ABCG2: variants seen among roughly 807,000 people sequenced by gnomAD.
The protein encoded by ABCG2 is broad substrate specificity ATP-binding cassette transporter ABCG2.
A neutral mutation model predicts 73.5 loss-of-function variants in ABCG2; 80 were observed. The observed-to-expected ratio is 1.09, with a 90% confidence interval of 0.91 to 1.31. The LOEUF (loss-of-function observed/expected upper bound fraction) is 1.31, where lower values mean the gene tolerates loss of function less well. Ranked by LOEUF, ABCG2 falls within the 50% of genes most tolerant of loss-of-function variation. The pLI is 0.00. For synonymous variants in ABCG2, 269 were observed against 282.4 expected, an observed-to-expected ratio of 0.95 and a Z score of 0.48; for missense variants, 796 against 786.2, an observed-to-expected ratio of 1.01 and a Z score of -0.15.
chr4:88,107,560 G>T (rs1722846041), intron 9 of ABCG2, among the ~76,000 whole-genome samples: 1 of 152,120 alleles, frequency 6.6e-6, no homozygotes, highest in Non-Finnish European at 1.5e-5. Context: ...GTCAGTTCAG[G>T]GTCTGCTTCA....
chr4:88,221,663 G>A (rs997266886), intron 1 of ABCG2, among the ~76,000 whole-genome samples: 6 of 152,146 alleles, frequency 3.9e-5, no homozygotes, highest in Admixed American at 2.0e-4. Flanking sequence ...TGGAGTAAAG[G>A]TCACTCTTGC....
At chr4:88,210,229 A>G (rs1042727205) in intron 1 of ABCG2, among the ~76,000 whole-genome samples, 11 of 151,936 alleles carry the variant, frequency 7.2e-5, no homozygotes, top group Middle Eastern at 6.8e-3. Flanking sequence ...ACATATACAT[A>G]TATACGTTTA....
intron 1 of ABCG2, among the ~76,000 whole-genome samples, chr4:88,230,660 C>T (rs1416181259): frequency 1.3e-5 from 2 of 152,068 alleles, no homozygotes; most frequent in Non-Finnish European, 2.9e-5. Context: ...TTCTCAGGTG[C>T]TCAACATAAA....
At chr4:88,101,792 C>T (rs1026031123) in intron 10 of ABCG2, among the ~76,000 whole-genome samples, 2 of 152,206 alleles carry the variant, frequency 1.3e-5, no homozygotes, top group Non-Finnish European at 2.9e-5. Context: ...CACCAGAACC[C>T]AGCAATGCTG....
intron 1 of ABCG2, among the ~76,000 whole-genome samples, chr4:88,209,309 C>CAAAAAAAAAAAA (rs60027656): frequency 2.5e-5 from 2 of 81,458 alleles, no homozygotes; most frequent in Non-Finnish European, 4.9e-5. Context: ...GACTCCATCT[C>CAAAAAAAAAAAA]AAAAAAAAAA....
chr4:88,092,194 T>G lies in ABCG2; in HGVS notation c.*40A>C. The G allele has an allele frequency of 1.3e-6, 2 of 1,550,886 alleles. No individual in the cohort carries two copies. The highest frequency in any genetic ancestry group is 1.7e-6 in the Non-Finnish European group (2 of 1,144,816). On this transcript the variant is annotated 3_prime_UTR_variant, in exon 16 of 16. Transcript: ENST00000237612. The stretch of plus-strand genomic sequence containing the variant: ...TGAATACTTCAATCAAAGTGCTTCT[T>G]TTTTATGTGAGGATAAATCATACTG...
At position 88,121,646 on chromosome 4, in the gene ABCG2, CA is replaced by C; in HGVS notation, c.677del (p.Leu226CysfsTer3). ...TCCAGAGCATTTACCTTTTCAGGAGCAAAAGGACAGCATTTGCTGTGCTTGA... is the reference window on the plus strand; with the variant it reads ...TCCAGAGCATTTACCTTTTCAGGAGCAAAGGACAGCATTTGCTGTGCTTGA... ...LDSSTANAVLLLLKRMSKQGR... is the reference protein window; with the variant it reads ...LDSSTANAVLXLLKRMSKQGR... On this transcript the variant is annotated frameshift_variant, in exon 6 of 16. Transcript: ENST00000237612. LOFTEE classifies it high-confidence loss of function. The C allele has an allele frequency of 6.2e-7, 1 of 1,613,408 alleles. No homozygotes were observed. The highest frequency in any genetic ancestry group is 1.1e-5 in the South Asian group (1 of 90,890).
chr4:88,179,359 A>G (rs930336342), intron 1 of ABCG2, among the ~76,000 whole-genome samples: 1 of 152,126 alleles, frequency 6.6e-6, no homozygotes, highest in East Asian at 1.9e-4. Context: ...GGTGCCTCCT[A>G]ATGAAGATGT....
chr4:88,224,587 G>T (rs1021369698), intron 1 of ABCG2, among the ~76,000 whole-genome samples: 1 of 152,116 alleles, frequency 6.6e-6, no homozygotes, highest in Non-Finnish European at 1.5e-5. Context: ...GACTTCCTGG[G>T]CTCAAGCAAT....
chr4:88,172,294 C>CAA lies in ABCG2; in HGVS notation c.-19-32282_-19-32281dup, dbSNP rs397815020. Reference sequence around the variant, plus strand: ...GGGCAACAAGAGCAAAGCTCCGTCACAAAAAAAAAAAAAATTGCTGGGCCT... The same window carrying CAA: ...GGGCAACAAGAGCAAAGCTCCGTCACAAAAAAAAAAAAAAAATTGCTGGGCCT... On this transcript the variant is annotated intron_variant, in intron 1 of 15. Coordinates refer to the ABCG2 transcript ENST00000515655. 2.8e-3 allele frequency among the ~76,000 whole-genome samples: 370 copies of CAA among 133,676 alleles called. 2 individuals carry two copies. Among genetic ancestry groups the CAA allele is most frequent in the African/African-American group, 4.5e-3 (163 of 35,986 alleles). The allele number at this position is 133,676 out of a possible 152,430, so 87.7% of individuals were successfully genotyped here.
At chr4:88,122,911 G>C (rs1194537812) in intron 5 of ABCG2, among the ~76,000 whole-genome samples, 1 of 152,198 alleles carries the variant, frequency 6.6e-6, no homozygotes, top group Non-Finnish European at 1.5e-5. Context: ...TCATACAGGA[G>C]AGCTCCAGCT....
chr4:88,190,063 G>A (rs1452491430), intron 1 of ABCG2, among the ~76,000 whole-genome samples: 1 of 152,152 alleles, frequency 6.6e-6, no homozygotes, highest in African/African-American at 2.4e-5. Context: ...AGAAGGCATG[G>A]GGTGATTTGA....
intron 1 of ABCG2, among the ~76,000 whole-genome samples, chr4:88,165,890 G>A (rs1473068763): frequency 6.6e-6 from 1 of 151,812 alleles, no homozygotes; most frequent in Non-Finnish European, 1.5e-5. Context: ...AAAAAAGAGA[G>A]AGAGAAAATC....
At chr4:88,208,707 C>A (rs1222708904) in intron 1 of ABCG2, among the ~76,000 whole-genome samples, 1 of 152,174 alleles carries the variant, frequency 6.6e-6, no homozygotes, top group African/African-American at 2.4e-5. Flanking sequence ...AAGGTACTTC[C>A]ATTTTTTAAT....
rs1560671896 is a variant in ABCG2, at chr4:88,113,457, GC to G, written c.1039del (p.Ala347LeufsTer50). On this transcript the variant is annotated frameshift_variant, in exon 9 of 16. Transcript: ENST00000237612. LOFTEE classifies it high-confidence loss of function. ...VNSSFYKETK[A>X]ELHQLSGGEK... The stretch of plus-strand genomic sequence containing the variant: ...ACCCCCGGAAAGTTGATGTAATTCA[GC>G]TTTTGTCTCTTTGTAGAAGGAGGAG... 2 of 1,614,096 alleles carry G rather than the reference GC, an allele frequency of 1.2e-6. No individual in the cohort carries two copies. The highest frequency in any genetic ancestry group is 2.2e-5 in the East Asian group (1 of 44,870).
chr4:88,222,687 G>A (rs1399288832), intron 1 of ABCG2, among the ~76,000 whole-genome samples: 1 of 152,188 alleles, frequency 6.6e-6, no homozygotes, highest in Non-Finnish European at 1.5e-5. Flanking sequence ...AGCATGGAAG[G>A]GAAATGTGGG....
In ABCG2 at chr4:88,099,248, T is replaced by C. The variant is rs1368582364; in HGVS notation, c.1492+76A>G. 5 of 1,378,488 alleles carry C rather than the reference T, an allele frequency of 3.6e-6. No homozygotes were observed. The East Asian group carries it at 7.9e-5, about 22-fold the overall frequency. 85.4% of individuals were successfully genotyped at this position (1,378,488 alleles called of 1,614,324 possible). A position where few individuals can be genotyped will look rare whatever the true frequency, so the allele number is the denominator to read the frequency against. On this transcript the variant is annotated intron_variant, in intron 12 of 15. Coordinates refer to ENST00000237612, the MANE Select transcript of ABCG2 (RefSeq NM_004827.3). ...TTTATAGTTTTGAGAACCAAAAATA[T>C]GCTTGCAAGGTGCAACTGACTTCAC... is the stretch of plus-strand genomic sequence containing the variant.
intron 5 of ABCG2, among the ~76,000 whole-genome samples, chr4:88,124,474 C>A (rs1724245654): frequency 6.6e-6 from 1 of 152,104 alleles, no homozygotes; most frequent in Non-Finnish European, 1.5e-5. Flanking sequence ...GAAGATCTGT[C>A]AAGCAAATGG....
At chr4:88,108,138 C>T (rs887477490) in intron 9 of ABCG2, among the ~76,000 whole-genome samples, 3 of 43,732 alleles carry the variant, frequency 6.9e-5, no homozygotes, top group African/African-American at 8.8e-5. Context: ...AAGGACACTT[C>T]AATAAGCAAA....
Sources: allele counts gnomAD v4.1 joint callset (sites outside exome capture counted in the v4.1 genomes callset), GRCh38; gene constraint gnomAD v4.1.1; transcripts MANE v1.5; gene names NCBI Gene and HGNC (gene_info 2026-07-23, HGNC 2026-07-21).